The following CPS1 variants were observed in gnomAD, a reference collection of about 807,000 sequenced individuals.
CPS1 encodes carbamoyl-phosphate synthase 1, also known as carbamoyl-phosphate synthase [ammonia], mitochondrial.
In CPS1, 109 loss-of-function variants were observed where a neutral mutation model predicts 174.6. The observed-to-expected ratio is 0.62, with a 90% CI of 0.53 to 0.73. The LOEUF is 0.73. Ranked by LOEUF, CPS1 falls within the 30% of genes least tolerant of loss-of-function variation. CPS1 has a pLI of 0.00. For missense variants in CPS1, 1,689 were observed against 1,821.9 expected (o/e 0.93, Z 1.33); for synonymous variants, 637 against 632.0 (o/e 1.01, Z -0.12).
rs1263470631 is a variant in CPS1, at chr2:210,599,407, C to T, written c.1395C>T (p.Asn465=). The T allele has an allele frequency of 5.6e-6, 9 of 1,612,324 alleles. No individual in the cohort carries two copies. The highest frequency in any genetic ancestry group is 7.6e-6 in the Non-Finnish European group (9 of 1,178,960). ...ENVKTVLMNP[N]IASVQTNEVG... The stretch of plus-strand genomic sequence containing the variant: ...TCAAAACTGTTCTGATGAACCCAAA[C>T]ATTGCATCAGTCCAGACCAATGAGG... The change falls in exon 14 of 38, where the codon AAC becomes AAT. Residue 465 remains asparagine, a synonymous_variant. Transcript: ENST00000233072.
At chr2:210,588,736 AC>A (rs1431257534) in intron 7 of CPS1, among the ~76,000 whole-genome samples, 4 of 152,026 alleles carry the variant, frequency 2.6e-5, no homozygotes, top group Non-Finnish European at 4.4e-5. Flanking sequence ...CCATACACAT[AC>A]ACACACATAC....
chr2:210,606,714 G>T lies in CPS1; in HGVS notation c.1982-17G>T. ...TTCAATATGCCACCAAGTAATGAGT[G>T]CTTCTTGGATATATAGGTGACTCAG... On this transcript the variant is annotated splice_polypyrimidine_tract_variant and intron_variant, in intron 17 of 37. Transcript: ENST00000233072. The T allele has an allele frequency of 6.2e-7, 1 of 1,607,790 alleles. No individual in the cohort carries two copies. Among genetic ancestry groups the T allele is most frequent in the African/African-American group, 1.3e-5 (1 of 74,828 alleles).
At chr2:210,550,066 A>AC (rs1696686556) in intron 1 of CPS1, among the ~76,000 whole-genome samples, 1 of 152,046 alleles carries the variant, frequency 6.6e-6, no homozygotes, top group Admixed American at 6.6e-5. Context: ...CGTGGCTCAC[A>AC]GATGAATTAG....
chr2:210,660,393 T>A, intron 31 of CPS1, 92 bp from the exon 32 acceptor site: 1 of 1,291,534 alleles, frequency 7.7e-7, no homozygotes, highest in Non-Finnish European at 1.1e-6. Flanking sequence ...CCCCAGTTAA[T>A]AACAGCTGGA....
At chr2:210,627,399 G>C (rs1319089816) in intron 21 of CPS1, among the ~76,000 whole-genome samples, 1 of 151,946 alleles carries the variant, frequency 6.6e-6, no homozygotes, top group Non-Finnish European at 1.5e-5. Flanking sequence ...CCATGTTTAG[G>C]GAGGTGTGAG....
intron 1 of CPS1, among the ~76,000 whole-genome samples, chr2:210,479,457 T>C (rs975292601): frequency 6.6e-6 from 1 of 151,608 alleles, no homozygotes; most frequent in Non-Finnish European, 1.5e-5. Flanking sequence ...GCCTCCAGAG[T>C]AGCTGGGATT....
At chr2:210,566,952 C>G (rs1425052935) in intron 1 of CPS1, among the ~76,000 whole-genome samples, 1 of 152,002 alleles carries the variant, frequency 6.6e-6, no homozygotes, top group Non-Finnish European at 1.5e-5. Flanking sequence ...ATACCTTTCC[C>G]AGAACAGTAT....
intron 1 of CPS1, among the ~76,000 whole-genome samples, chr2:210,517,797 A>T (rs556034775): frequency 5.4e-4 from 82 of 152,062 alleles, no homozygotes; most frequent in African/African-American, 1.8e-3. Context: ...AGTTAGAAGG[A>T]TGTCTTAAAT....
intron 28 of CPS1, among the ~76,000 whole-genome samples, chr2:210,651,063 G>A (rs997803524): frequency 2.0e-5 from 3 of 152,026 alleles, no homozygotes; most frequent in African/African-American, 4.8e-5. Flanking sequence ...ATCCATTTAA[G>A]ATTTACCCAG....
At chr2:210,495,207 C>G (rs1385690493) in intron 1 of CPS1, among the ~76,000 whole-genome samples, 2 of 152,118 alleles carry the variant, frequency 1.3e-5, no homozygotes, top group Non-Finnish European at 2.9e-5. Context: ...GTTCAGAGTT[C>G]TTATGCAGCG....
At chr2:210,652,971 C>A (rs191785521) in intron 28 of CPS1, among the ~76,000 whole-genome samples, 122 of 152,172 alleles carry the variant, frequency 8.0e-4, no homozygotes, top group African/African-American at 2.6e-3. Flanking sequence ...TTTACAGATA[C>A]CAAAGGAAGA....
intron 21 of CPS1, among the ~76,000 whole-genome samples, chr2:210,624,939 TC>T (rs1699650958): frequency 6.6e-6 from 1 of 152,060 alleles, no homozygotes; most frequent in Non-Finnish European, 1.5e-5. Flanking sequence ...TAACACATAC[TC>T]AGAATATGTG....
At chr2:210,517,630 A>T (rs891934900) in intron 1 of CPS1, among the ~76,000 whole-genome samples, 6 of 152,098 alleles carry the variant, frequency 3.9e-5, no homozygotes, top group Middle Eastern at 3.4e-3. Context: ...GGCAAAGAAA[A>T]ATGATAGCAG....
chr2:210,482,253 AATCTGC>A (rs1278026480), intron 1 of CPS1, among the ~76,000 whole-genome samples: 3 of 152,062 alleles, frequency 2.0e-5, no homozygotes, highest in African/African-American at 7.2e-5. Flanking sequence ...GTTTGGGTTG[AATCTGC>A]ATTTTAAAAA....
At chr2:210,547,908 C>G (rs1025290912) in intron 1 of CPS1, among the ~76,000 whole-genome samples, 4 of 151,994 alleles carry the variant, frequency 2.6e-5, no homozygotes, top group African/African-American at 9.6e-5. Flanking sequence ...CAGCCCTGGT[C>G]CCTGAAAGTC....
rs1433053027 is a variant in CPS1 at position 210,600,664 on chromosome 2, A to G, written c.1659A>G (p.Lys553=). The G allele has an allele frequency of 6.2e-7, 1 of 1,612,140 alleles. No individual in the cohort carries two copies. Among genetic ancestry groups the G allele is most frequent in the African/African-American group, 1.3e-5 (1 of 74,768 alleles). Residue 553 remains lysine (K), a synonymous_variant, in exon 15 of 38, where the codon AAA becomes AAG. Coordinates refer to ENST00000233072, the MANE Select transcript of CPS1 (RefSeq NM_001875.5). ...ATEDRQLFSD[K]LNEINEKIAP... is the part of the protein sequence containing the mutation. ...AAGACAGGCAGCTGTTTTCAGATAAACTAAATGAGATCAATGAAAAGATTG... is the reference window on the plus strand; with the variant it reads ...AAGACAGGCAGCTGTTTTCAGATAAGCTAAATGAGATCAATGAAAAGATTG...
intron 21 of CPS1, among the ~76,000 whole-genome samples, chr2:210,635,949 T>C (rs1700031287): frequency 6.6e-6 from 1 of 152,194 alleles, no homozygotes; most frequent in African/African-American, 2.4e-5. Flanking sequence ...TACACCAGCT[T>C]GATTTTTTCT....
chr2:210,668,389 C>T (rs756844740), intron 34 of CPS1, 105 bp downstream of exon 34: 12 of 850,054 alleles, frequency 1.4e-5, no homozygotes, highest in Admixed American at 3.5e-5. Flanking sequence ...ATTTGTTTTA[C>T]GTTTCCGTTT....
intron 1 of CPS1, among the ~76,000 whole-genome samples, chr2:210,548,608 A>G (rs1174679737): frequency 2.6e-5 from 4 of 152,072 alleles, no homozygotes; most frequent in Admixed American, 6.6e-5. Context: ...TAGTTTGTAG[A>G]ATTCAAGGAT....
Sources: gnomAD v4.1 joint callset for allele counts (sites outside exome capture counted in the v4.1 genomes callset) on GRCh38, gnomAD v4.1.1 for gene constraint, MANE v1.5 for transcripts, NCBI Gene and HGNC (gene_info 2026-07-23, HGNC 2026-07-21) for gene names.